THRA: variants seen among roughly 807,000 people sequenced by gnomAD.
THRA encodes the protein thyroid hormone receptor alpha.
A neutral mutation model predicts 45.0 loss-of-function variants in THRA; 13 were observed. The ratio of observed to expected loss-of-function variants is 0.29; its 90% CI spans 0.19 to 0.46. THRA has a LOEUF of 0.46. THRA is among the 20% of genes least tolerant of loss of function. The pLI is 1.00. For synonymous variants in THRA, 195 were observed against 214.0 expected, an observed-to-expected ratio of 0.91 and a Z score of 0.78; for missense variants, 278 against 556.1, an observed-to-expected ratio of 0.50 and a Z score of 5.03.
rs200765682 is a variant in THRA, at chr17:40,077,783, C to T, written c.222+175C>T. Among the ~76,000 whole-genome samples, 19 of 152,220 alleles carry T rather than the reference C, an allele frequency of 1.2e-4. No homozygotes were observed. The East Asian group carries it at 3.1e-3, about 25-fold the overall frequency. ...CGCGATCATGGCTCACTGCAACCTC[C>T]GCCTTCAGGTTCAAGTGATTCCCCT... On this transcript the variant is annotated intron_variant, in intron 4 of 8. Coordinates refer to ENST00000450525, the MANE Select transcript of THRA (RefSeq NM_199334.5).
At chr17:40,070,114 C>T (rs1986721766) in intron 1 of THRA, among the ~76,000 whole-genome samples, 1 of 152,058 alleles carries the variant, frequency 6.6e-6, no homozygotes, top group Non-Finnish European at 1.5e-5. Flanking sequence ...TCTAAGGTCC[C>T]ACAGTGGCTA....
chr17:40,093,517 C>A, downstream of THRA: 1 of 1,355,934 alleles, frequency 7.4e-7, no homozygotes, highest in Non-Finnish European at 9.8e-7. The surrounding 1 kb of genome is among the most constrained non-coding windows in gnomAD (Gnocchi z 5.9). Context: ...CCCGTAAGAC[C>A]ACCTTCCCTT....
In THRA at chr17:40,077,603, T is replaced by C; in HGVS notation, c.217T>C (p.Cys73Arg). Residue 73 changes from cysteine to arginine, a missense_variant, in exon 4 of 9, where the codon TGC becomes CGC. By Grantham distance (180) the Cys-to-Arg change is radical (BLOSUM62 -3). Transcript: ENST00000450525. ...CTACCGCTGTATCACTTGTGAGGGC[T>C]GCAAGGTATGGAAGCTACCTCCTGC... ...YHYRCITCEG[C>R]KGFFRRTIQK... 6.2e-7 allele frequency: 1 copy of C among 1,613,706 alleles called. No individual in the cohort carries two copies. The highest frequency in any genetic ancestry group is 1.3e-5 in the African/African-American group (1 of 75,004).
At chr17:40,073,483 T>C (rs1246642739) in intron 1 of THRA, among the ~76,000 whole-genome samples, 1 of 152,174 alleles carries the variant, frequency 6.6e-6, no homozygotes, top group African/African-American at 2.4e-5. Context: ...AGATTCTCTC[T>C]CCAGTTAATA....
At chr17:40,077,629 C>T (rs767246956) in intron 4 of THRA, 21 bp downstream of exon 4, 2 of 1,595,436 alleles carry the variant, frequency 1.3e-6, no homozygotes, top group African/African-American at 2.7e-5. Flanking sequence ...TACCTCCTGC[C>T]CCTCCCCTGC....
At position 40,092,906 on chromosome 17, in the gene THRA, G is replaced by T; in HGVS notation, c.*3450G>T. 2 of 1,438,288 alleles carry T rather than the reference G, an allele frequency of 1.4e-6. No individual in the cohort carries two copies. Among genetic ancestry groups the T allele is most frequent in the East Asian group, 4.9e-5 (2 of 40,886 alleles). 89.1% of individuals were successfully genotyped at this position (1,438,288 alleles called of 1,614,324 possible). On this transcript the variant is annotated 3_prime_UTR_variant, in exon 9 of 9. Coordinates refer to ENST00000450525, the MANE Select transcript of THRA (RefSeq NM_199334.5). ...GGGGAGGAGGGGAAGTTCGGTGATG[G>T]GGGAGGGAGGCAGGTATTTACAAGA...
At chr17:40,065,466 T>A (rs527924692) in intron 1 of THRA, among the ~76,000 whole-genome samples, 1 of 152,188 alleles carries the variant, frequency 6.6e-6, no homozygotes, top group African/African-American at 2.4e-5. Flanking sequence ...TTGCTCTGTC[T>A]TGCAGTGTCT....
In THRA at chr17:40,089,099, C is replaced by T. The variant is rs564830373; in HGVS notation, c.983-107C>T. On this transcript the variant is annotated intron_variant, in intron 8 of 8. Transcript: ENST00000450525. This position sits in a 1 kb window ranked among gnomAD's most constrained non-coding sequence, Gnocchi z 6.1. ...CCCCTCCCCTCCCCCAGCCTCTCTG[C>T]CTCTATCTCCCCTCTAGTCCTTTCT... 9.8e-5 allele frequency: 107 copies of T among 1,093,116 alleles called. No individual in the cohort carries two copies. In the Admixed American group the frequency reaches 2.2e-3, roughly 22 times the overall value. The allele number at this position is 1,093,116 out of a possible 1,614,324, so 67.7% of individuals were successfully genotyped here. A position where few individuals can be genotyped will look rare whatever the true frequency, so the allele number is the denominator to read the frequency against.
At chr17:40,065,461 C>G (rs1986520295) in intron 1 of THRA, among the ~76,000 whole-genome samples, 1 of 152,162 alleles carries the variant, frequency 6.6e-6, no homozygotes, top group Admixed American at 6.5e-5. Flanking sequence ...CTCTGTTGCT[C>G]TGTCTTGCAG....
chr17:40,069,094 C>A (rs1377561689), intron 1 of THRA: 7 of 149,552 alleles, frequency 4.7e-5, no homozygotes, highest in Non-Finnish European at 7.4e-5. Context: ...CTCTCTCCCT[C>A]CCTCTCTCTC....
downstream of THRA, chr17:40,093,657 ACCT>A (rs2145097842): frequency 3.1e-6 from 2 of 646,320 alleles, no homozygotes; most frequent in East Asian, 2.7e-5. This position sits in a 1 kb window ranked among gnomAD's most constrained non-coding sequence, Gnocchi z 5.9. Context: ...CTCAAGTGTC[ACCT>A]CCTTCCCCAG....
At position 40,089,393 on chromosome 17, in the gene THRA, C is replaced by G. The variant is rs747804266; in HGVS notation, c.1170C>G (p.Val390=). 5.6e-6 allele frequency: 9 copies of G among 1,614,168 alleles called. No homozygotes were observed. The South Asian group carries it at 9.9e-5, about 18-fold the overall frequency. Residue 390 remains valine, a synonymous_variant, in exon 9 of 9, where the codon GTC becomes GTG. Transcript: ENST00000450525. The surrounding 1 kb of genome is among the most constrained non-coding windows in gnomAD (Gnocchi z 6.1). ...CHASRFLHMK[V]ECPTELFPPL... ...CCAGCCGCTTCCTCCACATGAAAGT[C>G]GAGTGCCCCACCGAACTCTTCCCCC...
chr17:40,093,507 C>A, downstream of THRA: 2 of 1,393,842 alleles, frequency 1.4e-6, no homozygotes, highest in Non-Finnish European at 1.9e-6. The surrounding 1 kb of genome is among the most constrained non-coding windows in gnomAD (Gnocchi z 5.9). Context: ...CACCTCCCAT[C>A]CCGTAAGACC....
chr17:40,062,520 G>A (rs62065216), upstream of THRA: 57,192 of 151,884 alleles, frequency 0.38, 11,305 homozygotes, highest in East Asian at 0.54. Flanking sequence ...CAAGCGTTTG[G>A]TGTTTAGACT....
intron 1 of THRA, among the ~76,000 whole-genome samples, chr17:40,072,836 A>G (rs1986824757): frequency 6.6e-6 from 1 of 152,152 alleles, no homozygotes; most frequent in African/African-American, 2.4e-5. Flanking sequence ...CCACAAGCCA[A>G]GAAAAACTTG....
intron 1 of THRA, among the ~76,000 whole-genome samples, chr17:40,063,675 G>A: frequency 6.6e-6 from 1 of 152,224 alleles, no homozygotes; most frequent in South Asian, 2.1e-4. Flanking sequence ...CAAAAACGCG[G>A]TTGTTGGGGG....
At chr17:40,085,549 G>T (rs1056121730) in intron 6 of THRA, among the ~76,000 whole-genome samples, 1 of 151,836 alleles carries the variant, frequency 6.6e-6, no homozygotes, top group Non-Finnish European at 1.5e-5. Context: ...GACCAGGCTG[G>T]TCTCGAACTC....
At chr17:40,083,777 G>A in intron 4 of THRA, 58 bp from the exon 5 acceptor site, 1 of 1,527,426 alleles carries the variant, frequency 6.5e-7, no homozygotes, top group Non-Finnish European at 8.8e-7. Flanking sequence ...CTGCATGGTT[G>A]GTTCAGGAAG....
At chr17:40,072,359 GC>G (rs1986806269) in intron 1 of THRA, among the ~76,000 whole-genome samples, 1 of 152,160 alleles carries the variant, frequency 6.6e-6, no homozygotes, top group Non-Finnish European at 1.5e-5. Flanking sequence ...GCTCCCCGGG[GC>G]TGCCCCTCTC....
Sources: gnomAD v4.1 joint callset for allele counts (sites outside exome capture counted in the v4.1 genomes callset) on GRCh38, gnomAD v4.1.1 for gene constraint, Gnocchi (gnomAD v3.1) non-coding constraint, MANE v1.5 for transcripts, NCBI Gene and HGNC (gene_info 2026-07-23, HGNC 2026-07-21) for gene names.